Variants in CALN1 observed in about 807,000 individuals in gnomAD.
The protein encoded by CALN1 is calneuron 1, also known as calcium-binding protein 8.
In CALN1, 17 loss-of-function variants were observed where a neutral mutation model predicts 30.6. The observed-to-expected ratio is 0.56, with a 90% CI of 0.38 to 0.83. CALN1 has a LOEUF of 0.83. Ranked by LOEUF, CALN1 falls within the 40% of genes least tolerant of loss-of-function variation. The probability of loss-of-function intolerance (pLI) is 0.00; values close to 1 mark genes in which losing one functional copy is unlikely to be tolerated. For missense variants in CALN1, 291 were observed against 354.9 expected (o/e 0.82, Z 1.45); for synonymous variants, 156 against 131.4 (o/e 1.19, Z -1.28).
rs1283974136 is a variant in CALN1, at chr7:72,341,032, AAC to A, written c.119+62217_119+62218del. ...GCTATGTCTTTATCAGCAATGTGAA[AAC>A]GAATTCATACAGAAGGTATTATATT... On this transcript the variant is annotated intron_variant, in intron 2 of 6. Coordinates refer to ENST00000395275, the MANE Select transcript of CALN1 (RefSeq NM_031468.4). Among the ~76,000 whole-genome samples, 123 of 152,308 alleles carry A rather than the reference AAC, an allele frequency of 8.1e-4. 1 individual carries two copies. The highest frequency in any genetic ancestry group is 7.6e-4 in the Non-Finnish European group (52 of 68,032).
rs552400589 is a variant in CALN1, at chr7:72,438,410, C to T, written c.-226+8632G>A. Among the ~76,000 whole-genome samples, 8 of 152,300 alleles carry T rather than the reference C, an allele frequency of 5.3e-5. No individual in the cohort carries two copies. In the South Asian group the frequency reaches 6.2e-4, roughly 12 times the overall value. The stretch of plus-strand genomic sequence containing the variant: ...GTGTTGAGATTACAGAAGTGAGCCA[C>T]GGCACCCAGCCTTGCCTGTATTTCT... On this transcript the variant is annotated intron_variant, in intron 1 of 6. Coordinates refer to the CALN1 transcript ENST00000395276.
chr7:71,807,960 G>A (rs929727076), intron 6 of CALN1, among the ~76,000 whole-genome samples: 17 of 152,274 alleles, frequency 1.1e-4, no homozygotes, highest in African/African-American at 4.1e-4. Flanking sequence ...TGTAGTCCCA[G>A]CTATTCGGGA....
At chr7:71,798,077 GAC>G (rs1787039004) in intron 6 of CALN1, among the ~76,000 whole-genome samples, 4 of 122,884 alleles carry the variant, frequency 3.3e-5, no homozygotes, top group East Asian at 3.6e-4. Flanking sequence ...GAGAGAGAGA[GAC>G]AGAGAGAGAC....
At chr7:72,421,821 C>T (rs1278509495) in intron 1 of CALN1, among the ~76,000 whole-genome samples, 1 of 151,956 alleles carries the variant, frequency 6.6e-6, no homozygotes, top group Admixed American at 6.6e-5. Context: ...ATCTCCTGAC[C>T]TCATGATCTG....
chr7:72,452,281 C>T, the CALN1 span, among the ~76,000 whole-genome samples: 1 of 152,060 alleles, frequency 6.6e-6, no homozygotes, highest in Non-Finnish European at 1.5e-5. Flanking sequence ...AGCAGTGGTA[C>T]AGTTTGGATA....
intron 2 of CALN1, among the ~76,000 whole-genome samples, chr7:72,330,727 A>C (rs1470415666): frequency 6.6e-6 from 1 of 152,212 alleles, no homozygotes; most frequent in Non-Finnish European, 1.5e-5. Flanking sequence ...CATGAGATAA[A>C]GTAACCTACT....
At chr7:71,857,859 G>T (rs933641271) in intron 5 of CALN1, among the ~76,000 whole-genome samples, 3 of 152,124 alleles carry the variant, frequency 2.0e-5, no homozygotes, top group Non-Finnish European at 4.4e-5. Context: ...AGTCCTTCAT[G>T]GTTCAGAGAC....
At chr7:72,334,527 C>G (rs370879801) in intron 2 of CALN1, among the ~76,000 whole-genome samples, 82 of 152,228 alleles carry the variant, frequency 5.4e-4, no homozygotes, top group African/African-American at 1.9e-3. Flanking sequence ...CCTGTACCCC[C>G]CCTCCCCTTA....
At chr7:72,412,989 C>T (rs1036234216), upstream of CALN1, among the ~76,000 whole-genome samples, 3 of 152,200 alleles carry the variant, frequency 2.0e-5, no homozygotes, top group African/African-American at 7.2e-5. Flanking sequence ...GCTGTGCTGG[C>T]TCACGCTAAG....
chr7:71,834,217 C>CA (rs11313802), intron 5 of CALN1, among the ~76,000 whole-genome samples: 766 of 48,118 alleles, frequency 0.016, 31 homozygotes, highest in African/African-American at 0.029. Context: ...GACTCCATCT[C>CA]AAAAAAAAAA....
intron 5 of CALN1, among the ~76,000 whole-genome samples, chr7:71,972,161 A>G (rs542471735): frequency 2.6e-5 from 4 of 152,056 alleles, no homozygotes; most frequent in Admixed American, 1.3e-4. Flanking sequence ...CTGGACCCTG[A>G]TATGTTTAAA....
At chr7:72,304,937 G>C (rs892568500) in intron 2 of CALN1, among the ~76,000 whole-genome samples, 5 of 152,208 alleles carry the variant, frequency 3.3e-5, no homozygotes, top group South Asian at 2.1e-4. Context: ...TTTTACAAAT[G>C]AAAGAGCCTG....
At chr7:72,464,849 C>G in the CALN1 span, among the ~76,000 whole-genome samples, 1 of 152,208 alleles carries the variant, frequency 6.6e-6, no homozygotes, top group Non-Finnish European at 1.5e-5. Context: ...CCAGAAACCA[C>G]CAGTGCCCTT....
chr7:72,130,998 C>T, intron 3 of CALN1, among the ~76,000 whole-genome samples: 1 of 152,212 alleles, frequency 6.6e-6, no homozygotes, highest in East Asian at 1.9e-4. Context: ...GACATTGCCA[C>T]AGCCCTCTTC....
At chr7:72,385,844 A>C (rs928561997) in intron 2 of CALN1, among the ~76,000 whole-genome samples, 17 of 152,178 alleles carry the variant, frequency 1.1e-4, no homozygotes, top group African/African-American at 3.6e-4. Context: ...CATGACTGTA[A>C]CTTTCCTGAG....
At chr7:72,372,456 A>G (rs1804302950) in intron 2 of CALN1, among the ~76,000 whole-genome samples, 1 of 152,214 alleles carries the variant, frequency 6.6e-6, no homozygotes, top group South Asian at 2.1e-4. Context: ...AGGGAGTACC[A>G]AGAAAATGGA....
intron 5 of CALN1, among the ~76,000 whole-genome samples, chr7:71,952,337 T>C (rs1053872521): frequency 1.3e-5 from 2 of 152,102 alleles, no homozygotes; most frequent in Non-Finnish European, 2.9e-5. Flanking sequence ...CTTTCCCAAG[T>C]GCACCCCCCT....
intron 3 of CALN1, among the ~76,000 whole-genome samples, chr7:72,274,774 G>A (rs1208915399): frequency 6.6e-6 from 1 of 152,078 alleles, no homozygotes; most frequent in Non-Finnish European, 1.5e-5. Flanking sequence ...TCCGTTTAAT[G>A]AATGAATAAA....
intron 3 of CALN1, among the ~76,000 whole-genome samples, chr7:72,254,289 C>G (rs1321952725): frequency 6.6e-6 from 1 of 152,120 alleles, no homozygotes; most frequent in Non-Finnish European, 1.5e-5. Context: ...CTACAGATGC[C>G]CTGGTTTTGT....
Sources: allele counts gnomAD v4.1 joint callset (sites outside exome capture counted in the v4.1 genomes callset), GRCh38; gene constraint gnomAD v4.1.1; transcripts MANE v1.5; gene names NCBI Gene and HGNC (gene_info 2026-07-23, HGNC 2026-07-21).